Variants in SUFU observed in about 807,000 individuals in gnomAD.
The protein encoded by SUFU is suppressor of fused homolog.
In SUFU, 7 loss-of-function variants were observed where a neutral mutation model predicts 58.9. The observed-to-expected ratio is 0.12, with a 90% CI of 0.07 to 0.22. The LOEUF (loss-of-function observed/expected upper bound fraction) is 0.22. Ranked by LOEUF, SUFU falls within the 10% of genes least tolerant of loss-of-function variation. SUFU has a pLI of 1.00. For missense variants in SUFU, 451 were observed against 641.3 expected, an observed-to-expected ratio of 0.70 and a Z score of 3.20; for synonymous variants, 232 against 254.8, an observed-to-expected ratio of 0.91 and a Z score of 0.85.
chr10:102,616,492 C>T, intron 9 of SUFU, among the ~76,000 whole-genome samples: 1 of 152,250 alleles, frequency 6.6e-6, no homozygotes, highest in East Asian at 1.9e-4. Flanking sequence ...GAGGGGCCCA[C>T]TGCCATCCCA....
At chr10:102,571,093 G>A (rs897158809) in intron 3 of SUFU, among the ~76,000 whole-genome samples, 1 of 152,164 alleles carries the variant, frequency 6.6e-6, no homozygotes, top group Non-Finnish European at 1.5e-5. Flanking sequence ...AGGTTACACA[G>A]TAAGAAAATC....
rs2063846050 is a variant in SUFU, at chr10:102,632,455, G to A, written c.*2300G>A. 1 of 233,214 alleles carries A rather than the reference G, an allele frequency of 4.3e-6. No homozygotes were observed. The allele number at this position is 233,214 out of a possible 1,614,324, so 14.4% of individuals were successfully genotyped here. On this transcript the variant is annotated 3_prime_UTR_variant, in exon 12 of 12. Coordinates refer to ENST00000369902, the MANE Select transcript of SUFU (RefSeq NM_016169.4). Reference sequence around the variant, plus strand: ...TCACTGGCTCTGAGGGCAGGACAGGGTATCACACATTTCTCACCAGGCCTC... The same window carrying A: ...TCACTGGCTCTGAGGGCAGGACAGGATATCACACATTTCTCACCAGGCCTC...
intron 2 of SUFU, among the ~76,000 whole-genome samples, chr10:102,512,143 T>C (rs2062407640): frequency 6.6e-6 from 1 of 152,202 alleles, no homozygotes; most frequent in Non-Finnish European, 1.5e-5. Flanking sequence ...TTGGGAGCAA[T>C]GTCTGCAGCT....
chr10:102,609,153 T>G (rs552243584), intron 8 of SUFU, among the ~76,000 whole-genome samples: 1 of 152,344 alleles, frequency 6.6e-6, no homozygotes, highest in African/African-American at 2.4e-5. Context: ...TATTTAAGTT[T>G]CTGAGTTTCA....
chr10:102,620,614 A>G (rs2135942357), intron 10 of SUFU, among the ~76,000 whole-genome samples: 1 of 152,360 alleles, frequency 6.6e-6, no homozygotes, highest in East Asian at 1.9e-4. Flanking sequence ...TGCTGTTTTC[A>G]TCCTTGCTGA....
intron 3 of SUFU, among the ~76,000 whole-genome samples, chr10:102,570,952 G>A (rs1376695614): frequency 6.6e-6 from 1 of 152,032 alleles, no homozygotes; most frequent in Non-Finnish European, 1.5e-5. Flanking sequence ...CAGTACACAA[G>A]GCAATTTTTA....
At chr10:102,579,709 G>A (rs1000183065) in intron 3 of SUFU, 2 of 373,768 alleles carry the variant, frequency 5.4e-6, no homozygotes, top group Admixed American at 6.5e-5. Context: ...TAATCAAGTG[G>A]GACTGCGTAT....
chr10:102,517,836 G>A (rs2062491646), intron 2 of SUFU, among the ~76,000 whole-genome samples: 1 of 152,212 alleles, frequency 6.6e-6, no homozygotes, highest in Non-Finnish European at 1.5e-5. Flanking sequence ...ACCAGGCTGT[G>A]CAGCACACTC....
chr10:102,564,480 G>A (rs905529253), intron 3 of SUFU, among the ~76,000 whole-genome samples: 1 of 152,050 alleles, frequency 6.6e-6, no homozygotes. Context: ...TTACAGGCGT[G>A]CACCACCACA....
At chr10:102,552,011 C>T (rs904962592) in intron 3 of SUFU, among the ~76,000 whole-genome samples, 2 of 152,016 alleles carry the variant, frequency 1.3e-5, no homozygotes, top group Non-Finnish European at 2.9e-5. Context: ...AGGCGTGAGC[C>T]ACTGTGCCCG....
rs887577031 is a variant in SUFU, at chr10:102,629,310, A to G, written c.1366-756A>G. 3.3e-5 allele frequency among the ~76,000 whole-genome samples: 5 copies of G among 152,208 alleles called. No individual in the cohort carries two copies. Among genetic ancestry groups the G allele is most frequent in the Admixed American group, 1.3e-4 (2 of 15,284 alleles). On this transcript the variant is annotated intron_variant, in intron 11 of 11. Coordinates refer to ENST00000369902, the MANE Select transcript of SUFU (RefSeq NM_016169.4). This position sits in a 1 kb window ranked among gnomAD's most constrained non-coding sequence, Gnocchi z 4.7. ...ATCAGCCTCTTCCCCTTCCCCTACCAGAAACTCCCAGGTGAATGGGAGAAA... is the reference window on the plus strand; with the variant it reads ...ATCAGCCTCTTCCCCTTCCCCTACCGGAAACTCCCAGGTGAATGGGAGAAA...
chr10:102,568,334 A>C (rs1393020648), intron 3 of SUFU, among the ~76,000 whole-genome samples: 2 of 152,118 alleles, frequency 1.3e-5, no homozygotes, highest in Non-Finnish European at 2.9e-5. Context: ...AGAGATTTTC[A>C]TGTTTTACTT....
In SUFU at chr10:102,504,000, G is replaced by T. The variant is rs998087587; in HGVS notation, c.-153G>T. On this transcript the variant is annotated 5_prime_UTR_variant, in exon 1 of 12. Transcript: ENST00000369902. ...CTCGGCGGCGGCGACAGCCTGGGCGGACAGTGCGCCGTGCGCAGGCGCGGA... is the reference window on the plus strand; with the variant it reads ...CTCGGCGGCGGCGACAGCCTGGGCGTACAGTGCGCCGTGCGCAGGCGCGGA... 9 of 1,126,736 alleles carry T rather than the reference G, an allele frequency of 8.0e-6. No individual in the cohort carries two copies. In the African/African-American group the frequency reaches 1.3e-4, roughly 17 times the overall value. 69.8% of individuals were successfully genotyped at this position (1,126,736 alleles called of 1,614,324 possible).
At chr10:102,561,301 C>A (rs1290115355) in intron 3 of SUFU, among the ~76,000 whole-genome samples, 3 of 152,140 alleles carry the variant, frequency 2.0e-5, no homozygotes, top group African/African-American at 7.2e-5. Flanking sequence ...ACTATTGGGG[C>A]CATCCAGTAA....
rs563496108 is a variant in SUFU, at chr10:102,506,038, T to TG, written c.182+1705dup. Among the ~76,000 whole-genome samples the TG allele has an allele frequency of 1.6e-4, 17 of 106,564 alleles. 1 individual carries two copies. The highest frequency in any genetic ancestry group is 3.0e-4 in the South Asian group (1 of 3,368). 69.9% of individuals were successfully genotyped at this position (106,564 alleles called of 152,430 possible). A position where few individuals can be genotyped will look rare whatever the true frequency, so the allele number is the denominator to read the frequency against. On this transcript the variant is annotated intron_variant, in intron 1 of 11. Coordinates refer to ENST00000369902, the MANE Select transcript of SUFU (RefSeq NM_016169.4). ...GTAGCCAGACCCTAACTCTGTTATTTGAAAAAAAAAAAAAAAAAAAAAAAA... is the reference window on the plus strand; with the variant it reads ...GTAGCCAGACCCTAACTCTGTTATTTGGAAAAAAAAAAAAAAAAAAAAAAAA...
intron 2 of SUFU, among the ~76,000 whole-genome samples, chr10:102,525,565 C>G (rs187847731): frequency 1.3e-5 from 2 of 152,014 alleles, no homozygotes; most frequent in South Asian, 2.1e-4. Flanking sequence ...TGCGATCTTG[C>G]GATCTCAGTT....
At chr10:102,609,598 T>C (rs2063601719) in intron 8 of SUFU, among the ~76,000 whole-genome samples, 1 of 152,216 alleles carries the variant, frequency 6.6e-6, no homozygotes, top group African/African-American at 2.4e-5. Flanking sequence ...CATTTATCAG[T>C]GGCAGAGAGA....
intron 3 of SUFU, among the ~76,000 whole-genome samples, chr10:102,567,209 C>T (rs2063100579): frequency 6.6e-6 from 1 of 151,482 alleles, no homozygotes; most frequent in African/African-American, 2.4e-5. Flanking sequence ...GACGGGGTTT[C>T]ACTGTGTTAG....
intron 8 of SUFU, among the ~76,000 whole-genome samples, chr10:102,600,978 T>A (rs2063510471): frequency 6.6e-6 from 1 of 152,204 alleles, no homozygotes; most frequent in South Asian, 2.1e-4. Context: ...GGAAGCTCTC[T>A]ACCTGTGAGT....
Sources: allele counts gnomAD v4.1 joint callset (sites outside exome capture counted in the v4.1 genomes callset), GRCh38; gene constraint gnomAD v4.1.1; non-coding constraint Gnocchi (gnomAD v3.1); transcripts MANE v1.5; gene names NCBI Gene and HGNC (gene_info 2026-07-23, HGNC 2026-07-21).